Variants in PSD observed in about 807,000 individuals in gnomAD.
PSD encodes PH and SEC7 domain-containing protein 1.
PSD carries 32 observed loss-of-function variants against 91.6 expected under a neutral mutation model. The ratio of observed to expected loss-of-function variants is 0.35; its 90% CI spans 0.26 to 0.47. The LOEUF (loss-of-function observed/expected upper bound fraction) is 0.47. Ranked by LOEUF, PSD falls within the 20% of genes least tolerant of loss-of-function variation. The probability of loss-of-function intolerance (pLI) is 1.00; values close to 1 mark genes in which losing one functional copy is unlikely to be tolerated. For missense variants in PSD, 1,099 were observed against 1,373.9 expected, an observed-to-expected ratio of 0.80 and a Z score of 3.16; for synonymous variants, 532 against 569.3, an observed-to-expected ratio of 0.93 and a Z score of 0.93.
Position 102,411,768 on chromosome 10 carries a change from G to A in PSD, c.1881C>T (p.Arg627=), listed in dbSNP as rs776025356. ...ATCGCTGGGAGAAGTGGGCCAGCAC[G>A]CGCTCTCGTTCCTGGGTCTCACCCA... The part of the protein sequence containing the change: ...ALMGETQERE[R]VLAHFSQRYF... The change falls in exon 8 of 17, where the codon CGC becomes CGT. Residue 627 remains arginine, a synonymous_variant. Coordinates refer to ENST00000020673, the MANE Select transcript of PSD (RefSeq NM_002779.5). 1.9e-5 allele frequency: 31 copies of A among 1,613,712 alleles called. No homozygotes were observed. Among genetic ancestry groups the A allele is most frequent in the Middle Eastern group, 1.6e-4 (1 of 6,084 alleles).
chr10:102,411,992 A>G (rs565827182), intron 7 of PSD, among the ~76,000 whole-genome samples, 155 bp downstream of exon 7: 1 of 152,336 alleles, frequency 6.6e-6, no homozygotes. Context: ...AGGTCCCTTT[A>G]CCAGGCAGCT....
At chr10:102,406,786 T>C (rs2061367410) in intron 11 of PSD, among the ~76,000 whole-genome samples, 1 of 152,264 alleles carries the variant, frequency 6.6e-6, no homozygotes, top group African/African-American at 2.4e-5. Flanking sequence ...ATTACAGGCG[T>C]GAGCCACCTC....
At position 102,410,060 on chromosome 10, in the gene PSD, C is replaced by G. The variant is rs2061408559; in HGVS notation, c.2091+798G>C. ...TCAGATATACCCCAAACTCAGAAGC[C>G]CAGCACCCCAAGCTCACAGAAACGC... On this transcript the variant is annotated intron_variant, in intron 10 of 16. Coordinates refer to ENST00000020673, the MANE Select transcript of PSD (RefSeq NM_002779.5). This position sits in a 1 kb window ranked among gnomAD's most constrained non-coding sequence, Gnocchi z 6.0. 6.6e-6 allele frequency among the ~76,000 whole-genome samples: 1 copy of G among 152,150 alleles called. No homozygotes were observed. The highest frequency in any genetic ancestry group is 2.4e-5 in the African/African-American group (1 of 41,410).
Position 102,416,878 on chromosome 10 carries a change from C to G in PSD, c.161G>C (p.Gly54Ala), listed in dbSNP as rs147297735. 5.6e-6 allele frequency: 9 copies of G among 1,601,650 alleles called. No homozygotes were observed. The highest frequency in any genetic ancestry group is 7.7e-6 in the Non-Finnish European group (9 of 1,175,974). The change falls in exon 2 of 17, where the codon GGT (glycine) becomes GCT (alanine). Residue 54 changes from glycine (G) to alanine (A), a missense_variant. This residue lies in a region of PSD where 631 missense variants were observed against 728.8 expected (regional missense o/e 0.87). Coordinates refer to ENST00000020673, the MANE Select transcript of PSD (RefSeq NM_002779.5). The surrounding 1 kb of genome is among the most constrained non-coding windows in gnomAD (Gnocchi z 6.0). ...GSLLRRVAGP[G>A]PRGRELGRVT... Reference sequence around the variant, plus strand: ...ACGTCCCAGTTCCCGGCCTCGAGGACCTGGACCTGCCACTCGCCGTAGCAA... The same window carrying G: ...ACGTCCCAGTTCCCGGCCTCGAGGAGCTGGACCTGCCACTCGCCGTAGCAA...
chr10:102,415,473 T>A (rs2061468859), intron 3 of PSD, among the ~76,000 whole-genome samples: 1 of 152,298 alleles, frequency 6.6e-6, no homozygotes, highest in South Asian at 2.1e-4. Context: ...CTTTTTTATT[T>A]ATTTATTTAT....
rs1320928973 is a variant in PSD, at chr10:102,410,921, C to A, written c.2028G>T (p.Gly676=). ...GGCCCTCCAGGTTCCCGATGAAGTC[C>A]CCGCAGGTCATGCGCTTCCCGATGT... The part of the protein sequence containing the change: ...GHNIGKRMTC[G]DFIGNLEGLN... Residue 676 remains glycine, a synonymous_variant, in exon 10 of 17, where the codon GGG becomes GGT. Coordinates refer to ENST00000020673, the MANE Select transcript of PSD (RefSeq NM_002779.5). This position sits in a 1 kb window ranked among gnomAD's most constrained non-coding sequence, Gnocchi z 6.0. The A allele has an allele frequency of 1.2e-6, 2 of 1,613,956 alleles. No homozygotes were observed. The highest frequency in any genetic ancestry group is 1.7e-6 in the Non-Finnish European group (2 of 1,179,822).
At position 102,405,635 on chromosome 10, in the gene PSD, G is replaced by T; in HGVS notation, c.2136-99C>A. ...CCCTGGAAAAGCTCCCCCAGTGTTT[G>T]TGGCTTGGGGGGCTCAACCTGAGGG... On this transcript the variant is annotated intron_variant, in intron 11 of 16. Transcript: ENST00000020673. The surrounding 1 kb of genome is among the most constrained non-coding windows in gnomAD (Gnocchi z 5.4). 1.7e-6 allele frequency: 2 copies of T among 1,178,398 alleles called. No homozygotes were observed. Among genetic ancestry groups the T allele is most frequent in the Non-Finnish European group, 2.3e-6 (2 of 852,224 alleles). 73.0% of individuals were successfully genotyped at this position (1,178,398 alleles called of 1,614,324 possible). A position where few individuals can be genotyped will look rare whatever the true frequency, so the allele number is the denominator to read the frequency against.
rs2061302737 is a variant in PSD at position 102,403,100 on chromosome 10, C to CCGGG, written c.*96_*99dup. 1 of 1,024,454 alleles carries CCGGG rather than the reference C, an allele frequency of 9.8e-7. No individual in the cohort carries two copies. The highest frequency in any genetic ancestry group is 3.4e-5 in the Admixed American group (1 of 29,652). 63.5% of individuals were successfully genotyped at this position (1,024,454 alleles called of 1,614,324 possible). A position where few individuals can be genotyped will look rare whatever the true frequency, so the allele number is the denominator to read the frequency against. On this transcript the variant is annotated 3_prime_UTR_variant, in exon 17 of 17. Transcript: ENST00000020673. This position sits in a 1 kb window ranked among gnomAD's most constrained non-coding sequence, Gnocchi z 6.7. ...GCGTCCGGCGCGGTCGGGCCCTAGG[C>CCGGG]CGGGAGGCCCTCGTGGGTGGCCCGA... is the stretch of plus-strand genomic sequence containing the variant.
In PSD at chr10:102,416,000, T is replaced by A; in HGVS notation, c.757+17A>T. ...AAGGCCCTGCCCTGTTCTCCCTGCCTCAGTCCCAGGCCTTACCTGAGCTGG... is the reference window on the plus strand; with the variant it reads ...AAGGCCCTGCCCTGTTCTCCCTGCCACAGTCCCAGGCCTTACCTGAGCTGG... On this transcript the variant is annotated intron_variant, in intron 3 of 16. Coordinates refer to ENST00000020673, the MANE Select transcript of PSD (RefSeq NM_002779.5). 2 of 1,600,232 alleles carry A rather than the reference T, an allele frequency of 1.2e-6. No individual in the cohort carries two copies. The highest frequency in any genetic ancestry group is 2.2e-5 in the South Asian group (2 of 89,730).
In PSD at chr10:102,405,179, G is replaced by A. The variant is rs780906995; in HGVS notation, c.2397+4C>T. On this transcript the variant is annotated splice_donor_region_variant and intron_variant, in intron 13 of 16. Coordinates refer to ENST00000020673, the MANE Select transcript of PSD (RefSeq NM_002779.5). The surrounding 1 kb of genome is among the most constrained non-coding windows in gnomAD (Gnocchi z 5.4). Reference sequence around the variant, plus strand: ...AGCCCCAGCCCCCTGGCCTGACCCCGCACCTTCTGCAGGTAGAGGATCATG... The same window carrying A: ...AGCCCCAGCCCCCTGGCCTGACCCCACACCTTCTGCAGGTAGAGGATCATG... 36 of 1,609,746 alleles carry A rather than the reference G, an allele frequency of 2.2e-5. No individual in the cohort carries two copies. The highest frequency in any genetic ancestry group is 4.4e-5 in the South Asian group (4 of 91,044).
At position 102,416,625 on chromosome 10, in the gene PSD, G is replaced by T; in HGVS notation, c.414C>A (p.Thr138=). ...GGTTGGAGCCAGGCCCAAGGGCTGG[G>T]GTGGGCCTGGGAGGAGAAACCCCAC... ...DLGGVSPPRP[T]PALGPGSNRK... The change falls in exon 2 of 17, where the codon ACC becomes ACA. Residue 138 remains threonine (T), a synonymous_variant. Coordinates refer to ENST00000020673, the MANE Select transcript of PSD (RefSeq NM_002779.5). The surrounding 1 kb of genome is among the most constrained non-coding windows in gnomAD (Gnocchi z 6.0). The T allele has an allele frequency of 6.2e-7, 1 of 1,605,890 alleles. No individual in the cohort carries two copies. Among genetic ancestry groups the T allele is most frequent in the Non-Finnish European group, 8.5e-7 (1 of 1,176,166 alleles).
At position 102,414,575 on chromosome 10, in the gene PSD, G is replaced by C. The variant is rs2061456195; in HGVS notation, c.1124+288C>G. Among the ~76,000 whole-genome samples the C allele has an allele frequency of 6.6e-6, 1 of 152,166 alleles. No homozygotes were observed. The highest frequency in any genetic ancestry group is 1.5e-5 in the Non-Finnish European group (1 of 68,016). ...CCCCACACTCCCCACTCTCCCACCA[G>C]GATCCAGGATCCAGACTCATGCTCC... On this transcript the variant is annotated intron_variant, in intron 4 of 16. Transcript: ENST00000020673. This position sits in a 1 kb window ranked among gnomAD's most constrained non-coding sequence, Gnocchi z 5.6.
Position 102,414,021 on chromosome 10 carries a change from G to A in PSD, c.1301C>T (p.Pro434Leu). The A allele has an allele frequency of 6.2e-7, 1 of 1,614,040 alleles. No homozygotes were observed. Among genetic ancestry groups the A allele is most frequent in the South Asian group, 1.1e-5 (1 of 91,090 alleles). Residue 434 changes from proline to leucine, a missense_variant, in exon 5 of 17, where the codon CCA becomes CTA. This residue lies in a region of PSD where 631 missense variants were observed against 728.8 expected (regional missense o/e 0.87). Transcript: ENST00000020673. This position sits in a 1 kb window ranked among gnomAD's most constrained non-coding sequence, Gnocchi z 5.6. ...AAAGGTGAAGAAGGGGCTCTGGGTT[G>A]GGCCAGGTGAGGCCAAGGCCTCCAG... The part of the protein sequence containing the change: ...ASLEALASPG[P>L]TQSPFFTFEL...
At position 102,404,836 on chromosome 10, in the gene PSD, G is replaced by A. The variant is rs529410145; in HGVS notation, c.2555+62C>T. On this transcript the variant is annotated intron_variant, in intron 14 of 16. Transcript: ENST00000020673. The surrounding 1 kb of genome is among the most constrained non-coding windows in gnomAD (Gnocchi z 5.7). ...AAGGAATGAAAAAATCCAGGGACAGGGAGGGGAGCAGGATGGGAGGTGGGG... is the reference window on the plus strand; with the variant it reads ...AAGGAATGAAAAAATCCAGGGACAGAGAGGGGAGCAGGATGGGAGGTGGGG... The A allele has an allele frequency of 6.4e-5, 102 of 1,589,828 alleles. No individual in the cohort carries two copies. Among genetic ancestry groups the A allele is most frequent in the African/African-American group, 1.2e-4 (9 of 74,502 alleles).
In PSD at chr10:102,416,619, G is replaced by A. The variant is rs752876839; in HGVS notation, c.420C>T (p.Ala140=). ...GGVSPPRPTP[A]LGPGSNRKLR... ...ACTTCCGGTTGGAGCCAGGCCCAAG[G>A]GCTGGGGTGGGCCTGGGAGGAGAAA... Residue 140 remains alanine (A), a synonymous_variant, in exon 2 of 17, where the codon GCC becomes GCT. Transcript: ENST00000020673. This position sits in a 1 kb window ranked among gnomAD's most constrained non-coding sequence, Gnocchi z 6.0. 6.2e-7 allele frequency: 1 copy of A among 1,604,128 alleles called. No individual in the cohort carries two copies. Among genetic ancestry groups the A allele is most frequent in the Non-Finnish European group, 8.5e-7 (1 of 1,175,268 alleles).
chr10:102,417,030 C>T lies in PSD; in HGVS notation c.9G>A (p.Gln3=). 1 of 1,548,608 alleles carries T rather than the reference C, an allele frequency of 6.5e-7. No homozygotes were observed. The highest frequency in any genetic ancestry group is 8.7e-7 in the Non-Finnish European group (1 of 1,155,728). Residue 3 remains glutamine, a synonymous_variant, in exon 2 of 17, where the codon CAG becomes CAA. Transcript: ENST00000020673. ...CTTCCGAGCAGAAGCGCATGGCACC[C>T]TGGGCCATGCTGGGGCCGGGGGTCA... The part of the protein sequence containing the change: MA[Q]GAMRFCSEGD...
intron 3 of PSD, 68 bp downstream of exon 3, chr10:102,415,949 C>G: frequency 8.2e-7 from 1 of 1,226,190 alleles, no homozygotes; most frequent in Non-Finnish European, 1.2e-6. Flanking sequence ...AGGAGGGCTC[C>G]CTACTGAGCC....
chr10:102,412,934 C>G (rs529485042), intron 5 of PSD, among the ~76,000 whole-genome samples: 4 of 152,156 alleles, frequency 2.6e-5, no homozygotes, highest in Non-Finnish European at 4.4e-5. Context: ...ATGGACAAAG[C>G]TGGAATAGAT....
Position 102,403,263 on chromosome 10 carries a change from G to A in PSD, c.3012C>T (p.Pro1004=). The A allele has an allele frequency of 1.2e-6, 2 of 1,611,260 alleles. No homozygotes were observed. The highest frequency in any genetic ancestry group is 1.1e-5 in the South Asian group (1 of 90,806). ...GCTCTGAGCTGTGACGCTGAGCCCG[G>A]GGCTGGCTGGAGGGTTTGGGCTGCA... ...PSLQPKPSSQ[P]RAQRHSSEPR... The change falls in exon 17 of 17, where the codon CCC becomes CCT. Residue 1004 remains proline (P), a synonymous_variant. Transcript: ENST00000020673. This position sits in a 1 kb window ranked among gnomAD's most constrained non-coding sequence, Gnocchi z 6.7.
Sources: allele counts gnomAD v4.1 joint callset (sites outside exome capture counted in the v4.1 genomes callset), GRCh38; gene constraint gnomAD v4.1.1; regional missense constraint gnomAD v4.1.1; non-coding constraint Gnocchi (gnomAD v3.1); transcripts MANE v1.5; gene names NCBI Gene and HGNC (gene_info 2026-07-23, HGNC 2026-07-21).